The following FGF12 variants were observed in gnomAD, a reference collection of about 807,000 sequenced individuals.
FGF12 encodes fibroblast growth factor 12.
A neutral mutation model predicts 23.6 loss-of-function variants in FGF12; 14 were observed. That is an observed-to-expected ratio of 0.59 (90% CI 0.39 to 0.93). The LOEUF (loss-of-function observed/expected upper bound fraction) is 0.93. Among genes scored for constraint, FGF12 ranks in the 40% least tolerant of loss-of-function variants. FGF12 has a pLI of 0.00. For missense variants in FGF12, 175 were observed against 217.8 expected, an observed-to-expected ratio of 0.80 and a Z score of 1.24; for synonymous variants, 62 against 77.3, an observed-to-expected ratio of 0.80 and a Z score of 1.04.
Position 192,433,922 on chromosome 3 carries a change from C to T in FGF12, c.14-73384G>A, listed in dbSNP as rs181623554. ...GCAGTTTCAGTATTTCTGGCCATTT[C>T]GACATCAGGAGGGCTGGCAATGATT... On this transcript the variant is annotated intron_variant, in intron 2 of 5. Coordinates refer to ENST00000445105, the MANE Select transcript of FGF12 (RefSeq NM_004113.6). Among the ~76,000 whole-genome samples the T allele has an allele frequency of 1.2e-3, 184 of 152,236 alleles. 2 individuals carry two copies. The highest frequency in any genetic ancestry group is 4.2e-3 in the African/African-American group (176 of 41,536).
chr3:192,566,450 G>C (rs1712292717), intron 2 of FGF12, among the ~76,000 whole-genome samples: 1 of 152,220 alleles, frequency 6.6e-6, no homozygotes, highest in Non-Finnish European at 1.5e-5. Context: ...GGAGAGTATA[G>C]AATAAATGAA....
At chr3:192,695,031 A>C (rs369781532) in intron 2 of FGF12, among the ~76,000 whole-genome samples, 4 of 152,200 alleles carry the variant, frequency 2.6e-5, no homozygotes, top group African/African-American at 9.6e-5. Flanking sequence ...TTCTTAACAA[A>C]AAAAAAGATA....
intron 2 of FGF12, among the ~76,000 whole-genome samples, chr3:192,687,248 G>A (rs146145367): frequency 5.3e-4 from 81 of 151,872 alleles, no homozygotes; most frequent in African/African-American, 1.8e-3. Flanking sequence ...TTAAGAGGAA[G>A]CAGGGTGGAG....
intron 2 of FGF12, among the ~76,000 whole-genome samples, chr3:192,428,942 A>G (rs1446462895): frequency 6.6e-6 from 1 of 151,988 alleles, no homozygotes; most frequent in Non-Finnish European, 1.5e-5. Context: ...TCATTCCTCC[A>G]GTCAGTTTAT....
intron 2 of FGF12, among the ~76,000 whole-genome samples, chr3:192,701,327 C>T (rs1718290505): frequency 1.3e-5 from 2 of 152,134 alleles, no homozygotes; most frequent in Non-Finnish European, 2.9e-5. Context: ...CTCCCTAAAA[C>T]GTATAAAACC....
intron 2 of FGF12, among the ~76,000 whole-genome samples, chr3:192,671,877 T>C (rs1717136401): frequency 6.6e-6 from 1 of 152,172 alleles, no homozygotes; most frequent in Non-Finnish European, 1.5e-5. Flanking sequence ...TTGCTAAAAT[T>C]ATGTGATTAC....
intron 4 of FGF12, among the ~76,000 whole-genome samples, chr3:192,291,923 T>C (rs542445820): frequency 6.6e-5 from 10 of 152,326 alleles, no homozygotes; most frequent in African/African-American, 2.4e-4. Flanking sequence ...TGTGCTATAT[T>C]CAACAATACG....
intron 4 of FGF12, among the ~76,000 whole-genome samples, chr3:192,291,342 A>G (rs1560054732): frequency 6.6e-6 from 1 of 152,158 alleles, no homozygotes; most frequent in Non-Finnish European, 1.5e-5. Context: ...GCACTTTGGG[A>G]GGGCAAGGGA....
At chr3:192,384,905 C>A (rs1719979436) in intron 2 of FGF12, among the ~76,000 whole-genome samples, 1 of 152,192 alleles carries the variant, frequency 6.6e-6, no homozygotes, top group Non-Finnish European at 1.5e-5. Flanking sequence ...GTCAGGAGAA[C>A]TTGCCTCAAT....
chr3:192,243,534 GAA>G (rs11333066), intron 4 of FGF12, among the ~76,000 whole-genome samples: 90 of 143,110 alleles, frequency 6.3e-4, no homozygotes, highest in East Asian at 1.4e-3. Context: ...CAGCTTTATG[GAA>G]AAAAAAAAAA....
At chr3:192,158,393 C>CTTTCTTTCTTTCTTTTCTT (rs1368589642) in intron 5 of FGF12, among the ~76,000 whole-genome samples, 3 of 79,230 alleles carry the variant, frequency 3.8e-5, no homozygotes, top group African/African-American at 9.9e-5. Flanking sequence ...TTTTCTTTCT[C>CTTTCTTTCTTTCTTTTCTT]TCTCTTTCTT....
At chr3:192,706,372 T>A (rs553135675) in intron 2 of FGF12, among the ~76,000 whole-genome samples, 1 of 152,252 alleles carries the variant, frequency 6.6e-6, no homozygotes, top group Non-Finnish European at 1.5e-5. Context: ...ATATTACCAA[T>A]GACGTAACAG....
intron 2 of FGF12, among the ~76,000 whole-genome samples, chr3:192,651,982 G>C (rs1716228985): frequency 6.6e-6 from 1 of 152,184 alleles, no homozygotes; most frequent in African/African-American, 2.4e-5. Flanking sequence ...GGCTAAGTGA[G>C]AAGAGAAGAG....
At chr3:192,694,945 G>C (rs1299625318) in intron 2 of FGF12, among the ~76,000 whole-genome samples, 1 of 152,032 alleles carries the variant, frequency 6.6e-6, no homozygotes, top group Non-Finnish European at 1.5e-5. Context: ...TAGAGATCTA[G>C]TGTACAGCAT....
chr3:192,599,088 A>G (rs1037161373), intron 2 of FGF12, among the ~76,000 whole-genome samples: 3 of 152,070 alleles, frequency 2.0e-5, no homozygotes, highest in African/African-American at 7.2e-5. Context: ...AGGGAGGGGA[A>G]TATCACACAC....
At chr3:192,396,011 A>G (rs1468203254) in intron 2 of FGF12, among the ~76,000 whole-genome samples, 4 of 152,310 alleles carry the variant, frequency 2.6e-5, no homozygotes, top group Middle Eastern at 3.4e-3. Flanking sequence ...TGGAGAAAGA[A>G]CCTTGATTGT....
At chr3:192,528,891 C>A (rs1478447789) in intron 2 of FGF12, among the ~76,000 whole-genome samples, 1 of 152,130 alleles carries the variant, frequency 6.6e-6, no homozygotes, top group Non-Finnish European at 1.5e-5. Flanking sequence ...CTAGGCTGCA[C>A]ATAGCATGGG....
intron 2 of FGF12, among the ~76,000 whole-genome samples, chr3:192,561,841 C>T (rs575789511): frequency 1.5e-4 from 23 of 151,510 alleles, no homozygotes; most frequent in Non-Finnish European, 2.5e-4. Flanking sequence ...ACTATGACCC[C>T]GTACTTCTGC....
chr3:192,322,503 G>GACACACACAC (rs3071843), intron 4 of FGF12, among the ~76,000 whole-genome samples: 1,668 of 149,292 alleles, frequency 0.011, 24 homozygotes, highest in East Asian at 0.05. Flanking sequence ...ACCACACGCA[G>GACACACACAC]ACACACACAC....
Sources: allele counts gnomAD v4.1 joint callset (sites outside exome capture counted in the v4.1 genomes callset), GRCh38; gene constraint gnomAD v4.1.1; transcripts MANE v1.5; gene names NCBI Gene and HGNC (gene_info 2026-07-23, HGNC 2026-07-21).